The following FBXL18 variants were observed in gnomAD, a reference collection of about 807,000 sequenced individuals.
FBXL18 encodes the protein F-box/LRR-repeat protein 18.
In FBXL18, 36 loss-of-function variants were observed where a neutral mutation model predicts 46.0. That is an observed-to-expected ratio of 0.78 (90% CI 0.60 to 1.03). The LOEUF (loss-of-function observed/expected upper bound fraction) is 1.03. FBXL18 is among the 50% of genes least tolerant of loss of function. The pLI, the probability that FBXL18 is intolerant of heterozygous loss-of-function variation, is 0.00. For missense variants in FBXL18, 977 were observed against 1,004.1 expected, an observed-to-expected ratio of 0.97 and a Z score of 0.36; for synonymous variants, 557 against 465.3, an observed-to-expected ratio of 1.20 and a Z score of -2.54.
Position 5,501,899 on chromosome 7 carries a change from C to T in FBXL18, c.370G>A (p.Val124Met), listed in dbSNP as rs778454016. The change falls in exon 3 of 5, where the codon GTG becomes ATG. Residue 124 changes from valine to methionine, a missense_variant. Transcript: ENST00000382368. ...HVARCRSLVK[V>M]NLSGCHLTSL... ...GTGAGGTGGCAGCCCGAGAGGTTCA[C>T]CTTCACCAGGCTGCGGCAGCGGGCC... 1 of 1,603,314 alleles carries T rather than the reference C, an allele frequency of 6.2e-7. No individual in the cohort carries two copies. Among genetic ancestry groups the T allele is most frequent in the Non-Finnish European group, 8.5e-7 (1 of 1,176,074 alleles).
chr7:5,494,367 G>T (rs1170577543), intron 3 of FBXL18, among the ~76,000 whole-genome samples: 1 of 152,048 alleles, frequency 6.6e-6, no homozygotes, highest in African/African-American at 2.4e-5. Flanking sequence ...TGGAGGCAGA[G>T]GATGCAGTGA....
rs147018116 is a variant in FBXL18 at position 5,465,254 on chromosome 7, G to A, written c.2001-17411C>T. The stretch of plus-strand genomic sequence containing the variant: ...CGTGCTCTGTCGCCCAGGCTGCAGT[G>A]CAGTGGCATGATCTCAGCTTACTGC... On this transcript the variant is annotated intron_variant and NMD_transcript_variant, in intron 4 of 6. Coordinates refer to the FBXL18 transcript ENST00000415009. Among the ~76,000 whole-genome samples the A allele has an allele frequency of 1.5e-3, 231 of 152,184 alleles. 1 individual carries two copies. The highest frequency in any genetic ancestry group is 5.3e-3 in the African/African-American group (220 of 41,546).
Position 5,479,911 on chromosome 7 carries a change from A to G in FBXL18, c.*1864T>C, listed in dbSNP as rs4416742. 0.91 allele frequency: 139,299 copies of G among 152,434 alleles called. 63,677 individuals carry two copies. Among genetic ancestry groups the G allele is most frequent in the Middle Eastern group, 0.96 (287 of 298 alleles). 9.4% of individuals were successfully genotyped at this position (152,434 alleles called of 1,614,324 possible). A position where few individuals can be genotyped will look rare whatever the true frequency, so the allele number is the denominator to read the frequency against. On this transcript the variant is annotated 3_prime_UTR_variant, in exon 5 of 5. Coordinates refer to ENST00000382368, the MANE Select transcript of FBXL18 (RefSeq NM_024963.6). ...TCAGGGTGAAGTGGGAGGAGACCTC[A>G]AACCCCAGATCCACCTGTGCCAGTG... is the stretch of plus-strand genomic sequence containing the variant.
Position 5,455,907 on chromosome 7 carries a change from T to A in FBXL18, c.2001-8064A>T, listed in dbSNP as rs1221690800. ...CTCTGCCCCATGCGGGACTCTCTCA[T>A]GGGCCGTGCTGGCTCCAGCATCGCA... On this transcript the variant is annotated intron_variant and NMD_transcript_variant, in intron 4 of 6. Coordinates refer to the FBXL18 transcript ENST00000415009. The surrounding 1 kb of genome is among the most constrained non-coding windows in gnomAD (Gnocchi z 4.6). 6.6e-6 allele frequency among the ~76,000 whole-genome samples: 1 copy of A among 152,112 alleles called. No individual in the cohort carries two copies. Among genetic ancestry groups the A allele is most frequent in the African/African-American group, 2.4e-5 (1 of 41,412 alleles).
Position 5,513,656 on chromosome 7 carries a change from C to T in FBXL18, c.18+1G>A, listed in dbSNP as rs1280312901. On this transcript the variant is annotated splice_donor_variant, in intron 1 of 4. Coordinates refer to ENST00000382368, the MANE Select transcript of FBXL18 (RefSeq NM_024963.6). LOFTEE classifies it high-confidence loss of function. ...AGAGCGGAGACAGTCGCGGACAGTA[C>T]CTCTCCGGAGCTGGCCATGTCGCCG... 1 of 1,611,044 alleles carries T rather than the reference C, an allele frequency of 6.2e-7. No individual in the cohort carries two copies. The highest frequency in any genetic ancestry group is 1.3e-5 in the African/African-American group (1 of 74,870).
rs770993214 is a variant in FBXL18 at position 5,480,527 on chromosome 7, A to AATATATATATATATATATATATATATAT, written c.*1247_*1248insATATATATATATATATATATATATATAT. The stretch of plus-strand genomic sequence containing the variant: ...CAAGTGATCCTCCCAAAGTGTGTTG[A>AATATATATATATATATATATATATATAT]ATATATATATATATATATATATTTT... On this transcript the variant is annotated 3_prime_UTR_variant, in exon 5 of 5. Coordinates refer to ENST00000382368, the MANE Select transcript of FBXL18 (RefSeq NM_024963.6). 1 of 68,100 alleles carries AATATATATATATATATATATATATATAT rather than the reference A, an allele frequency of 1.5e-5. No homozygotes were observed. Among genetic ancestry groups the AATATATATATATATATATATATATATAT allele is most frequent in the African/African-American group, 6.5e-5 (1 of 15,476 alleles). 4.2% of individuals were successfully genotyped at this position (68,100 alleles called of 1,614,324 possible). A position where few individuals can be genotyped will look rare whatever the true frequency, so the allele number is the denominator to read the frequency against.
At position 5,496,395 on chromosome 7, in the gene FBXL18, C is replaced by T. The variant is rs1383400594; in HGVS notation, c.1781+4093G>A. Among the ~76,000 whole-genome samples, 1 of 152,186 alleles carries T rather than the reference C, an allele frequency of 6.6e-6. No individual in the cohort carries two copies. The highest frequency in any genetic ancestry group is 1.5e-5 in the Non-Finnish European group (1 of 68,044). ...TTGCTGACAGCCTCTGCTCGGTCTC[C>T]CTTCCACATTCTTCTTCCTCTTCCT... On this transcript the variant is annotated intron_variant, in intron 3 of 4. Coordinates refer to ENST00000382368, the MANE Select transcript of FBXL18 (RefSeq NM_024963.6). This position sits in a 1 kb window ranked among gnomAD's most constrained non-coding sequence, Gnocchi z 4.8.
chr7:5,493,753 A>C (rs1279257896), intron 3 of FBXL18, among the ~76,000 whole-genome samples: 1 of 142,026 alleles, frequency 7.0e-6, no homozygotes, highest in Non-Finnish European at 1.5e-5. Flanking sequence ...GAGCTCAAGC[A>C]ATCCTCCTGC....
At chr7:5,492,103 G>T (rs114625258) in intron 3 of FBXL18, among the ~76,000 whole-genome samples, 1,866 of 151,146 alleles carry the variant, frequency 0.012, 22 homozygotes, top group African/African-American at 0.034. Flanking sequence ...GCCAGGGCAG[G>T]GGGGAGGCCC....
Position 5,496,003 on chromosome 7 carries a change from C to T in FBXL18, c.1781+4485G>A, listed in dbSNP as rs1179168673. On this transcript the variant is annotated intron_variant, in intron 3 of 4. Coordinates refer to ENST00000382368, the MANE Select transcript of FBXL18 (RefSeq NM_024963.6). This position sits in a 1 kb window ranked among gnomAD's most constrained non-coding sequence, Gnocchi z 4.8. ...CACAAAACCCACAGAACCCGCAGGC[C>T]TCTCCGCGCCTTCTCCATGGCCCTG... 21 of 415,874 alleles carry T rather than the reference C, an allele frequency of 5.0e-5. No individual in the cohort carries two copies. The Admixed American group carries it at 5.6e-4, about 11-fold the overall frequency. The allele number at this position is 415,874 out of a possible 1,614,324, so 25.8% of individuals were successfully genotyped here.
Position 5,500,651 on chromosome 7 carries a change from G to A in FBXL18, c.1618C>T (p.Gln540Ter). 2 of 1,612,330 alleles carry A rather than the reference G, an allele frequency of 1.2e-6. No homozygotes were observed. The highest frequency in any genetic ancestry group is 1.7e-6 in the Non-Finnish European group (2 of 1,179,576). ...GAGCCCGTAAGGACGCTGGGCAGCT[G>A]TGCGAGCGTCAGGTGCCGCAGGAAG... ...LAFLRHLTLAQLPSVLTGSGL... is the reference protein window; with the variant it reads ...LAFLRHLTLA The change falls in exon 3 of 5, where the codon CAG becomes TAG. Residue 540 changes from glutamine to a stop codon, truncating the protein, a stop_gained. Coordinates refer to ENST00000382368, the MANE Select transcript of FBXL18 (RefSeq NM_024963.6). LOFTEE classifies it high-confidence loss of function.
intron 3 of FBXL18, among the ~76,000 whole-genome samples, chr7:5,492,619 C>A (rs562941466): frequency 6.6e-6 from 1 of 152,016 alleles, no homozygotes; most frequent in Non-Finnish European, 1.5e-5. Context: ...AGGTTTGTTG[C>A]GGATGCAAGG....
In FBXL18 at chr7:5,469,621, G is replaced by C. The variant is rs187806141; in HGVS notation, c.2000+21610C>G. 9.9e-5 allele frequency among the ~76,000 whole-genome samples: 15 copies of C among 152,026 alleles called. No homozygotes were observed. In the East Asian group the frequency reaches 2.3e-3, roughly 23 times the overall value. The stretch of plus-strand genomic sequence containing the variant: ...ATGAGAACGTGTGTGGTGTGGGTGT[G>C]AGTGTGAGCGTGCAAGGGTGTGCAT... On this transcript the variant is annotated intron_variant and NMD_transcript_variant, in intron 4 of 6. Transcript: ENST00000415009.
intron 1 of FBXL18, among the ~76,000 whole-genome samples, chr7:5,507,961 T>C (rs1209074938): frequency 1.3e-5 from 2 of 151,666 alleles, no homozygotes; most frequent in East Asian, 2.0e-4. Context: ...GGTGAAACCC[T>C]GTCTCTACTA....
At chr7:5,462,474 A>G (rs1428692518) in intron 4 of FBXL18, among the ~76,000 whole-genome samples, 1 of 152,104 alleles carries the variant, frequency 6.6e-6, no homozygotes, top group Non-Finnish European at 1.5e-5. Flanking sequence ...ACTATGTCAC[A>G]AGCCATGGCA....
intron 4 of FBXL18, among the ~76,000 whole-genome samples, chr7:5,486,488 T>TA (rs964660320): frequency 4.7e-5 from 7 of 149,394 alleles, no homozygotes; most frequent in Non-Finnish European, 8.9e-5. Context: ...TCCATCTCTA[T>TA]AAAAAAATGT....
Position 5,455,968 on chromosome 7 carries a change from T to A in FBXL18, c.2001-8125A>T, listed in dbSNP as rs1254545982. On this transcript the variant is annotated intron_variant and NMD_transcript_variant, in intron 4 of 6. Coordinates refer to the FBXL18 transcript ENST00000415009. This position sits in a 1 kb window ranked among gnomAD's most constrained non-coding sequence, Gnocchi z 4.6. ...TCCCTGCCGCATTTCGTTCCCTCTGTGCTCCTTCCCCAGTGTCACTCCTCC... is the reference window on the plus strand; with the variant it reads ...TCCCTGCCGCATTTCGTTCCCTCTGAGCTCCTTCCCCAGTGTCACTCCTCC... 6.6e-6 allele frequency among the ~76,000 whole-genome samples: 1 copy of A among 152,122 alleles called. No homozygotes were observed. The highest frequency in any genetic ancestry group is 1.5e-5 in the Non-Finnish European group (1 of 68,004).
intron 4 of FBXL18, among the ~76,000 whole-genome samples, chr7:5,470,054 A>ATGCGTG (rs1028144218): frequency 6.6e-6 from 1 of 152,058 alleles, no homozygotes; most frequent in African/African-American, 2.4e-5. Context: ...GTGAGTGCAC[A>ATGCGTG]TGCGTGTGCG....
chr7:5,481,722 G>A lies in FBXL18; in HGVS notation c.*53C>T. 1 of 1,595,586 alleles carries A rather than the reference G, an allele frequency of 6.3e-7. No homozygotes were observed. The highest frequency in any genetic ancestry group is 8.6e-7 in the Non-Finnish European group (1 of 1,168,684). Reference sequence around the variant, plus strand: ...CAAACCAAGGGTCCCTGGCGTCCCAGGCTCCTGCAGCTTCTCGAGGTGACT... The same window carrying A: ...CAAACCAAGGGTCCCTGGCGTCCCAAGCTCCTGCAGCTTCTCGAGGTGACT... On this transcript the variant is annotated 3_prime_UTR_variant, in exon 5 of 5. Coordinates refer to ENST00000382368, the MANE Select transcript of FBXL18 (RefSeq NM_024963.6).
Sources: allele counts gnomAD v4.1 joint callset (sites outside exome capture counted in the v4.1 genomes callset), GRCh38; gene constraint gnomAD v4.1.1; non-coding constraint Gnocchi (gnomAD v3.1); transcripts MANE v1.5; gene names NCBI Gene and HGNC (gene_info 2026-07-23, HGNC 2026-07-21).